ZCCHC7: variants seen among roughly 807,000 people sequenced by gnomAD.
ZCCHC7 encodes zinc finger CCHC domain-containing protein 7.
Under a neutral mutation model 52.0 loss-of-function variants are expected in ZCCHC7, and 35 were observed. The observed-to-expected ratio is 0.67, with a 90% CI of 0.51 to 0.89. The LOEUF (loss-of-function observed/expected upper bound fraction) is 0.89. Among genes scored for constraint, ZCCHC7 ranks in the 40% least tolerant of loss-of-function variants. ZCCHC7 has a pLI of 0.00. For missense variants in ZCCHC7, 574 were observed against 649.1 expected (o/e 0.88, Z 1.26); for synonymous variants, 217 against 221.5 (o/e 0.98, Z 0.18).
At chr9:37,128,320 A>G (rs550670956) in intron 2 of ZCCHC7, among the ~76,000 whole-genome samples, 26 of 152,310 alleles carry the variant, frequency 1.7e-4, no homozygotes, top group African/African-American at 5.3e-4. Context: ...GAGAGAACAT[A>G]TGGGGATGTG....
At chr9:37,327,436 A>G (rs1830292348) in intron 5 of ZCCHC7, 1 of 197,616 alleles carries the variant, frequency 5.1e-6, no homozygotes, top group Non-Finnish European at 1.0e-5. Context: ...ACCAAAGTTC[A>G]AAATGCTGTT....
intron 6 of ZCCHC7, among the ~76,000 whole-genome samples, chr9:37,338,252 G>A (rs748135252): frequency 5.3e-5 from 8 of 152,054 alleles, no homozygotes; most frequent in African/African-American, 7.2e-5. Flanking sequence ...TATAAAACTC[G>A]TGCTTCTTTT....
At chr9:37,337,607 A>G (rs959602572) in intron 6 of ZCCHC7, among the ~76,000 whole-genome samples, 1 of 152,168 alleles carries the variant, frequency 6.6e-6, no homozygotes, top group African/African-American at 2.4e-5. Flanking sequence ...GAAAGGTTTT[A>G]TCGGCTGGTC....
At chr9:37,316,480 C>A (rs1464084037) in intron 5 of ZCCHC7, among the ~76,000 whole-genome samples, 2 of 142,716 alleles carry the variant, frequency 1.4e-5, no homozygotes, top group African/African-American at 2.6e-5. Flanking sequence ...ACGCACTACC[C>A]TGCCCAGCTG....
intron 2 of ZCCHC7, among the ~76,000 whole-genome samples, chr9:37,128,317 CAT>C (rs1842626821): frequency 6.6e-6 from 1 of 151,976 alleles, no homozygotes; most frequent in African/African-American, 2.4e-5. Flanking sequence ...GATGAGAGAA[CAT>C]ATGGGGATGT....
At chr9:37,336,911 T>C (rs1830691025) in intron 6 of ZCCHC7, among the ~76,000 whole-genome samples, 1 of 152,102 alleles carries the variant, frequency 6.6e-6, no homozygotes, top group Non-Finnish European at 1.5e-5. Flanking sequence ...AACCAAGCCA[T>C]TTGTCCATCA....
At chr9:37,315,047 A>G (rs1336743330) in intron 5 of ZCCHC7, among the ~76,000 whole-genome samples, 1 of 152,040 alleles carries the variant, frequency 6.6e-6, no homozygotes, top group Non-Finnish European at 1.5e-5. Flanking sequence ...ATAATTAGGC[A>G]TGCCATCTAA....
intron 2 of ZCCHC7, among the ~76,000 whole-genome samples, chr9:37,132,636 G>A (rs1395370991): frequency 1.3e-5 from 2 of 151,704 alleles, no homozygotes; most frequent in Non-Finnish European, 2.9e-5. Flanking sequence ...TGGGGGATTG[G>A]TTCTAGGACT....
rs184131181 is a variant in ZCCHC7, at chr9:37,254,206, G to A, written c.611-47982G>A. ...ATTCCATTTTACGAAGAACTGGCAGGTTTTTTAATCTGAACAATATTCATA... is the reference window on the plus strand; with the variant it reads ...ATTCCATTTTACGAAGAACTGGCAGATTTTTTAATCTGAACAATATTCATA... On this transcript the variant is annotated intron_variant, in intron 2 of 8. Coordinates refer to ENST00000336755, the MANE Select transcript of ZCCHC7 (RefSeq NM_032226.3). Among the ~76,000 whole-genome samples, 3 of 152,100 alleles carry A rather than the reference G, an allele frequency of 2.0e-5. No individual in the cohort carries two copies. The East Asian group carries it at 5.8e-4, about 29-fold the overall frequency.
chr9:37,266,905 TA>T lies in ZCCHC7; in HGVS notation c.611-35282del, dbSNP rs560939885. ...CAAAGTCTAACAGTGATGTATATGT[TA>T]TACCAGTGTTATTTGGAAGATAACT... On this transcript the variant is annotated intron_variant, in intron 2 of 8. Transcript: ENST00000336755. Among the ~76,000 whole-genome samples, 85 of 152,336 alleles carry T rather than the reference TA, an allele frequency of 5.6e-4. 1 individual carries two copies. The South Asian group carries it at 0.017, about 30-fold the overall frequency.
At position 37,357,071 on chromosome 9, in the gene ZCCHC7, A is replaced by G. The variant is rs774817069; in HGVS notation, c.1435A>G (p.Thr479Ala). 1 of 1,613,562 alleles carries G rather than the reference A, an allele frequency of 6.2e-7. No individual in the cohort carries two copies. The highest frequency in any genetic ancestry group is 8.5e-7 in the Non-Finnish European group (1 of 1,179,900). ...VDEDFPRGPK[T>A]YSSPGSFKTQ... ...TGAGGATTTTCCCAGGGGCCCCAAA[A>G]CCTACTCTTCTCCTGGCAGTTTTAA... The change falls in exon 9 of 9, where the codon ACC becomes GCC. Residue 479 changes from threonine (T) to alanine (A), a missense_variant. Physicochemically the swap from Thr to Ala is moderately conservative, Grantham distance 58. Transcript: ENST00000336755.
intron 2 of ZCCHC7, among the ~76,000 whole-genome samples, chr9:37,197,324 G>A (rs1039551739): frequency 6.6e-6 from 1 of 152,168 alleles, no homozygotes; most frequent in African/African-American, 2.4e-5. Context: ...TTGTCTGTGA[G>A]CTTTTGCTAA....
intron 5 of ZCCHC7, among the ~76,000 whole-genome samples, chr9:37,321,546 C>A (rs1830055109): frequency 2.6e-5 from 4 of 152,042 alleles, no homozygotes; most frequent in Admixed American, 2.0e-4. Flanking sequence ...AAAAGATCGC[C>A]TGGGGCCAGG....
chr9:37,296,883 G>GTGTGTGTGTA (rs1828810235), intron 2 of ZCCHC7, among the ~76,000 whole-genome samples: 1 of 81,066 alleles, frequency 1.2e-5, no homozygotes. Context: ...TGGCTAGTTT[G>GTGTGTGTGTA]TGTGTGTGTG....
chr9:37,243,896 C>A (rs777544589), intron 2 of ZCCHC7, among the ~76,000 whole-genome samples: 1 of 151,772 alleles, frequency 6.6e-6, no homozygotes, highest in African/African-American at 2.4e-5. Flanking sequence ...TGGATTTTTA[C>A]GTAGTAGTAA....
At chr9:37,205,543 G>A (rs1326541603) in intron 2 of ZCCHC7, among the ~76,000 whole-genome samples, 5 of 152,198 alleles carry the variant, frequency 3.3e-5, no homozygotes, top group Non-Finnish European at 7.3e-5. Context: ...TTGAGACGGA[G>A]TCTCGCTCAG....
chr9:37,246,629 T>A (rs1826091892), intron 2 of ZCCHC7, among the ~76,000 whole-genome samples: 1 of 152,186 alleles, frequency 6.6e-6, no homozygotes, highest in Non-Finnish European at 1.5e-5. Flanking sequence ...TTTTTTCCCC[T>A]TTTCTAAATT....
At chr9:37,227,028 C>CAAA (rs895936555) in intron 2 of ZCCHC7, among the ~76,000 whole-genome samples, 44 of 92,586 alleles carry the variant, frequency 4.8e-4, no homozygotes, top group African/African-American at 1.3e-3. Context: ...GACTCCGTCT[C>CAAA]AAAAAAAAAA....
chr9:37,347,960 TG>T (rs1554736540), intron 6 of ZCCHC7, among the ~76,000 whole-genome samples: 1 of 152,234 alleles, frequency 6.6e-6, no homozygotes, highest in Non-Finnish European at 1.5e-5. Flanking sequence ...TTCCCTTCTA[TG>T]TCCATTTCAC....
Sources: allele counts gnomAD v4.1 joint callset (sites outside exome capture counted in the v4.1 genomes callset), GRCh38; gene constraint gnomAD v4.1.1; transcripts MANE v1.5; gene names NCBI Gene and HGNC (gene_info 2026-07-23, HGNC 2026-07-21).